Variants in MEIKIN observed in about 807,000 individuals in gnomAD.
MEIKIN encodes meiosis-specific kinetochore protein.
At chr5:131,874,877 G>C (rs573769947) in intron 9 of MEIKIN, among the ~76,000 whole-genome samples, 20 of 152,254 alleles carry the variant, frequency 1.3e-4, no homozygotes, top group South Asian at 1.2e-3. Context: ...CATATAAACA[G>C]AACCAAAGAC....
chr5:131,853,845 G>T (rs906812225), intron 10 of MEIKIN, among the ~76,000 whole-genome samples: 1 of 152,106 alleles, frequency 6.6e-6, no homozygotes, highest in African/African-American at 2.4e-5. Flanking sequence ...AAAATAACAA[G>T]TGCTGGCAAG....
chr5:131,853,071 T>C (rs559877949), intron 10 of MEIKIN, among the ~76,000 whole-genome samples: 1 of 152,320 alleles, frequency 6.6e-6, no homozygotes, highest in Non-Finnish European at 1.5e-5. Flanking sequence ...TGTAACTCCT[T>C]TCCCCTAGGA....
At chr5:131,906,293 A>T (rs1284842160) in intron 8 of MEIKIN, among the ~76,000 whole-genome samples, 3 of 152,254 alleles carry the variant, frequency 2.0e-5, no homozygotes, top group African/African-American at 7.2e-5. Context: ...TCATTAGAGA[A>T]ATGCAAATCA....
chr5:131,843,337 C>T (rs1009862775), intron 11 of MEIKIN, among the ~76,000 whole-genome samples: 2 of 152,254 alleles, frequency 1.3e-5, no homozygotes, highest in Non-Finnish European at 2.9e-5. Flanking sequence ...GCTTGAATTT[C>T]TCCCATCAGA....
intron 8 of MEIKIN, among the ~76,000 whole-genome samples, chr5:131,890,435 C>T (rs894794318): frequency 5.3e-5 from 8 of 149,772 alleles, no homozygotes; most frequent in African/African-American, 1.7e-4. Flanking sequence ...TTGGGAGGGT[C>T]GAGGAACTTA....
intron 12 of MEIKIN, among the ~76,000 whole-genome samples, chr5:131,816,589 C>T (rs1773105468): frequency 6.6e-6 from 1 of 152,148 alleles, no homozygotes; most frequent in Non-Finnish European, 1.5e-5. Flanking sequence ...TTGTTTTATT[C>T]TCTCCGGAAT....
intron 9 of MEIKIN, among the ~76,000 whole-genome samples, chr5:131,867,742 G>A (rs888428286): frequency 6.6e-6 from 1 of 152,068 alleles, no homozygotes; most frequent in Non-Finnish European, 1.5e-5. Context: ...TCCATTGTCT[G>A]GATATACCAC....
chr5:131,836,110 T>C (rs1299863297), intron 11 of MEIKIN, among the ~76,000 whole-genome samples: 2 of 152,212 alleles, frequency 1.3e-5, no homozygotes, highest in Non-Finnish European at 2.9e-5. Context: ...TGTGTTCTTA[T>C]CATTTAGCTC....
chr5:131,848,197 T>A (rs193187065), intron 11 of MEIKIN, among the ~76,000 whole-genome samples: 1 of 151,720 alleles, frequency 6.6e-6, no homozygotes, highest in African/African-American at 2.4e-5. Flanking sequence ...AGAAACAAAA[T>A]AGAGAATAGA....
At chr5:131,931,886 T>C (rs1449631177) in intron 5 of MEIKIN, among the ~76,000 whole-genome samples, 1 of 152,216 alleles carries the variant, frequency 6.6e-6, no homozygotes, top group Non-Finnish European at 1.5e-5. Context: ...CTCAGAAGTC[T>C]GGTGATCCTT....
At chr5:131,849,286 C>A (rs1023528538) in intron 11 of MEIKIN, among the ~76,000 whole-genome samples, 1 of 151,812 alleles carries the variant, frequency 6.6e-6, no homozygotes, top group Non-Finnish European at 1.5e-5. Context: ...GGCACCTCCC[C>A]ATTTTCTCTC....
At chr5:131,879,161 CT>C in intron 8 of MEIKIN, 113 bp from the exon 9 acceptor site, 1 of 392,084 alleles carries the variant, frequency 2.6e-6, no homozygotes, top group South Asian at 1.4e-4. Context: ...TGTAAAACCC[CT>C]GATTTTAATG....
intron 11 of MEIKIN, among the ~76,000 whole-genome samples, chr5:131,849,382 G>T (rs1248343426): frequency 7.0e-6 from 1 of 142,486 alleles, no homozygotes; most frequent in Non-Finnish European, 1.5e-5. Context: ...TATATATAAA[G>T]AAACCTCTTT....
At chr5:131,885,956 CA>C (rs1173419893) in intron 8 of MEIKIN, among the ~76,000 whole-genome samples, 3 of 152,018 alleles carry the variant, frequency 2.0e-5, no homozygotes, top group Non-Finnish European at 4.4e-5. Flanking sequence ...GTAAATTTTA[CA>C]AAGAAATTTA....
intron 8 of MEIKIN, among the ~76,000 whole-genome samples, chr5:131,906,296 G>T (rs1751241283): frequency 6.6e-6 from 1 of 152,138 alleles, no homozygotes; most frequent in Non-Finnish European, 1.5e-5. Context: ...TTAGAGAAAT[G>T]CAAATCAAAA....
chr5:131,843,027 C>T (rs1749944827), intron 11 of MEIKIN, among the ~76,000 whole-genome samples: 1 of 152,210 alleles, frequency 6.6e-6, no homozygotes, highest in South Asian at 2.1e-4. Flanking sequence ...AGGCCCAACA[C>T]CATGTGGAAG....
chr5:131,833,608 A>G (rs1316408264), intron 11 of MEIKIN, among the ~76,000 whole-genome samples: 1 of 152,200 alleles, frequency 6.6e-6, no homozygotes, highest in Non-Finnish European at 1.5e-5. Context: ...ACATGGCAGC[A>G]GCAAGAGAAA....
At chr5:131,877,074 C>G (rs899630027) in intron 9 of MEIKIN, among the ~76,000 whole-genome samples, 8 of 151,590 alleles carry the variant, frequency 5.3e-5, no homozygotes, top group Non-Finnish European at 1.2e-4. Flanking sequence ...GTGCAGCACA[C>G]CAACCTGGCA....
chr5:131,825,777 G>C (rs1220056828), intron 11 of MEIKIN, among the ~76,000 whole-genome samples: 1 of 152,190 alleles, frequency 6.6e-6, no homozygotes, highest in Non-Finnish European at 1.5e-5. Flanking sequence ...CAGGAGCCTG[G>C]CCACAGGACA....
Sources: gnomAD v4.1 joint callset for allele counts (sites outside exome capture counted in the v4.1 genomes callset) on GRCh38, gnomAD v4.1.1 for gene constraint, MANE v1.5 for transcripts, NCBI Gene and HGNC (gene_info 2026-07-23, HGNC 2026-07-21) for gene names.